The following DOCK2 variants were observed in gnomAD, a reference collection of about 807,000 sequenced individuals.
The protein encoded by DOCK2 is dedicator of cytokinesis protein 2.
Under a neutral mutation model 248.9 loss-of-function variants are expected in DOCK2, and 87 were observed. That is an observed-to-expected ratio of 0.35 (90% confidence interval 0.29 to 0.42). The LOEUF is 0.42. Among genes scored for constraint, DOCK2 ranks in the 10% least tolerant of loss-of-function variants. The probability of loss-of-function intolerance (pLI) is 1.00; values close to 1 mark genes in which losing one functional copy is unlikely to be tolerated. For missense variants in DOCK2, 1,747 were observed against 2,300.2 expected (o/e 0.76, Z 4.92); for synonymous variants, 805 against 821.6 (o/e 0.98, Z 0.35).
intron 27 of DOCK2, among the ~76,000 whole-genome samples, chr5:169,848,885 A>G (rs1300485101): frequency 6.6e-6 from 1 of 152,170 alleles, no homozygotes; most frequent in African/African-American, 2.4e-5. Flanking sequence ...TCCAGGAGGC[A>G]TCTGTGTCAT....
intron 26 of DOCK2, among the ~76,000 whole-genome samples, chr5:169,825,591 C>A (rs35426850): frequency 7.6e-6 from 1 of 132,114 alleles, no homozygotes; most frequent in Non-Finnish European, 1.6e-5. Context: ...GGACGCAGGG[C>A]GGGGAACATC....
At chr5:169,900,345 A>C (rs548884800) in intron 27 of DOCK2, among the ~76,000 whole-genome samples, 1 of 152,328 alleles carries the variant, frequency 6.6e-6, no homozygotes, top group Non-Finnish European at 1.5e-5. Flanking sequence ...TCATTGAAAG[A>C]AGGAAGAAGC....
intron 23 of DOCK2, among the ~76,000 whole-genome samples, chr5:169,748,120 G>A (rs1763711434): frequency 6.6e-6 from 1 of 151,896 alleles, no homozygotes; most frequent in South Asian, 2.1e-4. Context: ...AATAAACGAA[G>A]CCCAAACACA....
At chr5:169,986,012 C>A in intron 29 of DOCK2, 90 bp downstream of exon 29, 3 of 1,227,574 alleles carry the variant, frequency 2.4e-6, no homozygotes, top group East Asian at 2.5e-5. Context: ...ACAATTTCTC[C>A]TTGCTGAAAA....
chr5:169,763,610 G>A lies in DOCK2; in HGVS notation c.2554+1985G>A, dbSNP rs935425874. On this transcript the variant is annotated intron_variant, in intron 25 of 51. Transcript: ENST00000520908. The surrounding 1 kb of genome is among the most constrained non-coding windows in gnomAD (Gnocchi z 4.1). ...GCTGGGAGGAGGCCTCTGAGGGTTA[G>A]CATCATGGCAGGGCAGGCTGGACAG... Among the ~76,000 whole-genome samples the A allele has an allele frequency of 7.2e-5, 11 of 152,238 alleles. No individual in the cohort carries two copies. The highest frequency in any genetic ancestry group is 1.3e-4 in the Non-Finnish European group (9 of 68,042).
intron 26 of DOCK2, among the ~76,000 whole-genome samples, chr5:169,810,985 T>TCACA (rs1426678091): frequency 9.0e-5 from 7 of 77,464 alleles, no homozygotes; most frequent in Non-Finnish European, 1.6e-4. Flanking sequence ...TCTCTCTCTC[T>TCACA]CTCTCACACA....
At chr5:169,659,107 C>A (rs770710815) in intron 2 of DOCK2, among the ~76,000 whole-genome samples, 1 of 151,572 alleles carries the variant, frequency 6.6e-6, no homozygotes, top group Non-Finnish European at 1.5e-5. Context: ...CTGCCTCAGC[C>A]TTCCAAGTAC....
At chr5:169,774,713 T>A (rs775371414) in intron 25 of DOCK2, among the ~76,000 whole-genome samples, 3 of 152,220 alleles carry the variant, frequency 2.0e-5, no homozygotes, top group Non-Finnish European at 4.4e-5. Context: ...AGATAATCAT[T>A]CCTTTCCGAG....
chr5:170,018,822 C>T (rs1174994501), intron 32 of DOCK2, 138 bp from the exon 33 acceptor site: 2 of 1,135,700 alleles, frequency 1.8e-6, no homozygotes, highest in Non-Finnish European at 2.5e-6. Context: ...GTGCCTGGCT[C>T]ATGGTAAACA....
rs113798064 is a variant in DOCK2, at chr5:169,761,486, T to C, written c.2448-33T>C. 6.4e-5 allele frequency: 100 copies of C among 1,570,310 alleles called. No individual in the cohort carries two copies. In the African/African-American group the frequency reaches 1.0e-3, roughly 16 times the overall value. On this transcript the variant is annotated intron_variant, in intron 24 of 51. Coordinates refer to ENST00000520908, the MANE Select transcript of DOCK2 (RefSeq NM_004946.3). ...TGAGCTGGGAGACATGGGTCTGCCT[T>C]GCTCTACCAGCTCCTATTTTTCCTG...
intron 9 of DOCK2, among the ~76,000 whole-genome samples, chr5:169,693,125 A>G (rs1336798142): frequency 6.6e-6 from 1 of 152,164 alleles, no homozygotes; most frequent in African/African-American, 2.4e-5. Context: ...AATATGGAGA[A>G]TCCTAATTTG....
intron 14 of DOCK2, 60 bp downstream of exon 14, chr5:169,702,487 A>C: frequency 6.2e-7 from 1 of 1,601,216 alleles, no homozygotes; most frequent in Non-Finnish European, 8.5e-7. Context: ...CTGCTTGTAA[A>C]GACGTACTTT....
At chr5:170,081,397 A>G (rs564932397) in intron 50 of DOCK2, 1 of 160,980 alleles carries the variant, frequency 6.2e-6, no homozygotes, top group South Asian at 1.9e-4. Context: ...TGTGACGCCA[A>G]GCTGGGGCTG....
At chr5:169,988,615 T>C (rs1161511342) in intron 29 of DOCK2, among the ~76,000 whole-genome samples, 1 of 152,082 alleles carries the variant, frequency 6.6e-6, no homozygotes, top group Non-Finnish European at 1.5e-5. Flanking sequence ...TGGGTTCAAG[T>C]GATTCTCCTG....
intron 24 of DOCK2, chr5:169,761,267 G>A (rs910278338): frequency 1.3e-5 from 5 of 387,160 alleles, no homozygotes; most frequent in Non-Finnish European, 2.4e-5. Context: ...AAAATGCAAA[G>A]TGTGTGCTTG....
At chr5:169,740,138 A>G (rs1161302517) in intron 22 of DOCK2, among the ~76,000 whole-genome samples, 11 of 152,192 alleles carry the variant, frequency 7.2e-5, no homozygotes, top group Admixed American at 5.9e-4. Flanking sequence ...CACATCACAC[A>G]CTGTTCATAA....
intron 2 of DOCK2, among the ~76,000 whole-genome samples, chr5:169,657,879 T>G (rs1208957068): frequency 6.6e-6 from 1 of 152,204 alleles, no homozygotes. Flanking sequence ...ACATCATGAT[T>G]TTTATGGCTA....
chr5:169,750,689 G>A (rs1214829746), intron 23 of DOCK2, among the ~76,000 whole-genome samples: 1 of 152,218 alleles, frequency 6.6e-6, no homozygotes, highest in Non-Finnish European at 1.5e-5. Context: ...ATAGAAAGGG[G>A]CTTCATCTCT....
intron 23 of DOCK2, among the ~76,000 whole-genome samples, chr5:169,757,587 A>C (rs947168986): frequency 2.0e-5 from 3 of 152,192 alleles, no homozygotes. Flanking sequence ...CAATAACCAT[A>C]AAGTAAAAGT....
Sources: allele counts gnomAD v4.1 joint callset (sites outside exome capture counted in the v4.1 genomes callset), GRCh38; gene constraint gnomAD v4.1.1; non-coding constraint Gnocchi (gnomAD v3.1); transcripts MANE v1.5; gene names NCBI Gene and HGNC (gene_info 2026-07-23, HGNC 2026-07-21).